ITPR3: variants seen among roughly 807,000 people sequenced by gnomAD.
ITPR3 encodes inositol 1,4,5-trisphosphate receptor type 3.
In ITPR3, 173 loss-of-function variants were observed where a neutral mutation model predicts 293.2. The observed-to-expected ratio is 0.59, with a 90% CI of 0.52 to 0.67. The LOEUF (loss-of-function observed/expected upper bound fraction) is 0.67, where lower values mean the gene tolerates loss of function less well. Ranked by LOEUF, ITPR3 falls within the 30% of genes least tolerant of loss-of-function variation. ITPR3 has a pLI of 0.00. For missense variants in ITPR3, 2,796 were observed against 3,592.1 expected (o/e 0.78, Z 5.66); for synonymous variants, 1,295 against 1,444.4 (o/e 0.90, Z 2.35).
At chr6:33,659,198 A>G (rs1447007537) in intron 6 of ITPR3, 79 bp downstream of exon 6, 22 of 1,349,396 alleles carry the variant, frequency 1.6e-5, no homozygotes, top group Non-Finnish European at 2.1e-5. Context: ...GCTCCCTGCC[A>G]TGGTCTCTGC....
In ITPR3 at chr6:33,692,918, G is replaced by C. The variant is rs3818524; in HGVS notation, c.7624+25G>C. The C allele has an allele frequency of 0.47, 749,439 of 1,610,842 alleles. 186,054 individuals carry two copies. Among genetic ancestry groups the C allele is most frequent in the East Asian group, 0.82 (36,826 of 44,808 alleles). ...GGTGAGGGCTGCTTCCTGCTCTGTG[G>C]AGGCCGCAGCGGGGCTGGAACGTCA... On this transcript the variant is annotated intron_variant, in intron 55 of 57. Transcript: ENST00000605930. The surrounding 1 kb of genome is among the most constrained non-coding windows in gnomAD (Gnocchi z 4.2).
intron 21 of ITPR3, 37 bp from the exon 22 acceptor site, chr6:33,671,984 CCTCTACAA>C: frequency 6.5e-7 from 1 of 1,546,078 alleles, no homozygotes; most frequent in South Asian, 1.2e-5. Flanking sequence ...CTGTGTACAG[CCTCTACAA>C]CCTCCTTGGC....
At chr6:33,680,519 T>TGAG in intron 32 of ITPR3, 36 bp from the exon 33 acceptor site, 1 of 1,610,884 alleles carries the variant, frequency 6.2e-7, no homozygotes, top group South Asian at 1.1e-5. Flanking sequence ...GGGCCCCATG[T>TGAG]GAGGAGCCCC....
rs1285691848 is a variant in ITPR3, at chr6:33,691,333, T to C, written c.7225+224T>C. On this transcript the variant is annotated intron_variant, in intron 52 of 57. Coordinates refer to ENST00000605930, the MANE Select transcript of ITPR3 (RefSeq NM_002224.4). This position sits in a 1 kb window ranked among gnomAD's most constrained non-coding sequence, Gnocchi z 4.9. ...GGGTCTCTGGCCCCTAAGGAACCCC[T>C]TGCTTGAGGGCTGGAGTCCCTTGAA... Among the ~76,000 whole-genome samples, 2 of 152,178 alleles carry C rather than the reference T, an allele frequency of 1.3e-5. No individual in the cohort carries two copies. The highest frequency in any genetic ancestry group is 2.9e-5 in the Non-Finnish European group (2 of 68,026).
In ITPR3 at chr6:33,664,744, T is replaced by G. The variant is rs2127273042; in HGVS notation, c.1149-126T>G. The G allele has an allele frequency of 1.3e-6, 1 of 767,504 alleles. No homozygotes were observed. The highest frequency in any genetic ancestry group is 2.1e-5 in the Admixed American group (1 of 48,154). 47.5% of individuals were successfully genotyped at this position (767,504 alleles called of 1,614,324 possible). The stretch of plus-strand genomic sequence containing the variant: ...TCTGGAGGGGCACCAGTGGCTCCTG[T>G]CCCACAGCTGTTGAGGGTGTGGAGT... On this transcript the variant is annotated intron_variant, in intron 11 of 57. Coordinates refer to ENST00000605930, the MANE Select transcript of ITPR3 (RefSeq NM_002224.4). This position sits in a 1 kb window ranked among gnomAD's most constrained non-coding sequence, Gnocchi z 4.4.
In ITPR3 at chr6:33,688,747, C is replaced by G. The variant is rs758713044; in HGVS notation, c.6660C>G (p.Ala2220=). 2 of 1,614,224 alleles carry G rather than the reference C, an allele frequency of 1.2e-6. No individual in the cohort carries two copies. The highest frequency in any genetic ancestry group is 1.7e-6 in the Non-Finnish European group (2 of 1,180,034). ...CCGTGTTTATCAACATCATCATTGC[C>G]TTCTTCTACCCTTACATGGAGGGCG... ...NLAVFINIII[A]FFYPYMEGAS... Residue 2220 remains alanine, a synonymous_variant, in exon 49 of 58, where the codon GCC becomes GCG. Transcript: ENST00000605930.
rs531503671 is a variant in ITPR3 at position 33,691,672 on chromosome 6, A to T, written c.7283A>T (p.Asp2428Val). 1.7e-5 allele frequency: 27 copies of T among 1,613,910 alleles called. No individual in the cohort carries two copies. The Middle Eastern group carries it at 8.3e-4, about 49-fold the overall frequency. ...AAAFVDTCSGDKMDCVSGLSV... is the reference protein window; with the variant it reads ...AAAFVDTCSGVKMDCVSGLSV... ...GCATTTGTGGACACCTGCAGTGGGG[A>T]CAAGATGGACTGTGTCTCAGGGCTC... Residue 2428 changes from aspartate (D) to valine (V), a missense_variant, in exon 53 of 58, where the codon GAC (aspartate) becomes GTC (valine). By Grantham distance (152) the Asp-to-Val change is radical (BLOSUM62 -3). Around this residue, in one of 8 missense-constraint regions of ITPR3, gnomAD observed 568 missense variants for 796.1 expected, o/e 0.71. Transcript: ENST00000605930. This position sits in a 1 kb window ranked among gnomAD's most constrained non-coding sequence, Gnocchi z 4.9.
At chr6:33,665,649 G>T (rs548022282) in intron 13 of ITPR3, among the ~76,000 whole-genome samples, 186 bp from the exon 14 acceptor site, 1 of 152,174 alleles carries the variant, frequency 6.6e-6, no homozygotes, top group South Asian at 2.1e-4. Context: ...GGTGGGGCTG[G>T]GCGTGTTTGG....
intron 28 of ITPR3, 142 bp downstream of exon 28, chr6:33,677,771 C>A (rs372803351): frequency 7.4e-6 from 7 of 941,776 alleles, no homozygotes; most frequent in East Asian, 5.3e-5. Flanking sequence ...TGCAGGCACA[C>A]CTTGACCCCT....
At position 33,673,573 on chromosome 6, in the gene ITPR3, C is replaced by CT; in HGVS notation, c.2929-15dup. 6.2e-7 allele frequency: 1 copy of CT among 1,613,746 alleles called. No individual in the cohort carries two copies. The highest frequency in any genetic ancestry group is 8.5e-7 in the Non-Finnish European group (1 of 1,179,732). The stretch of plus-strand genomic sequence containing the variant: ...AGTCCTCACCCCATCCTCACCTGAC[C>CT]TTTCCTCTCTTCTCCAGTTCATCCT... On this transcript the variant is annotated splice_polypyrimidine_tract_variant and intron_variant, in intron 22 of 57. Transcript: ENST00000605930.
chr6:33,695,647 C>T (rs752101585), intron 57 of ITPR3, 65 bp from the exon 58 acceptor site: 4 of 1,500,848 alleles, frequency 2.7e-6, no homozygotes, highest in East Asian at 2.3e-5. Context: ...AGCTCTTCCA[C>T]AGCACCCATG....
In ITPR3 at chr6:33,633,864, G is replaced by A. The variant is rs975537545; in HGVS notation, c.90-6620G>A. ...GGGCGGGGCCGGGCCGGGCCGGGGC[G>A]GGGCCAGGGAGGCCAGACCTACGCT... On this transcript the variant is annotated intron_variant, in intron 1 of 57. Transcript: ENST00000605930. The surrounding 1 kb of genome is among the most constrained non-coding windows in gnomAD (Gnocchi z 5.2). 7.4e-5 allele frequency among the ~76,000 whole-genome samples: 11 copies of A among 148,676 alleles called. No homozygotes were observed. Among genetic ancestry groups the A allele is most frequent in the African/African-American group, 4.9e-5 (2 of 41,022 alleles).
intron 7 of ITPR3, among the ~76,000 whole-genome samples, chr6:33,660,643 T>A (rs1053924927): frequency 1.3e-5 from 2 of 152,092 alleles, no homozygotes; most frequent in Admixed American, 6.6e-5. Flanking sequence ...AAATGAAGCA[T>A]CTTGGCCGGG....
rs116530022 is a variant in ITPR3 at position 33,667,328 on chromosome 6, C to G, written c.1713+38C>G. On this transcript the variant is annotated intron_variant, in intron 15 of 57. Transcript: ENST00000605930. The surrounding 1 kb of genome is among the most constrained non-coding windows in gnomAD (Gnocchi z 4.4). ...CCTGCTGGCCCACTCGCTGGCTGCACGTTCCTTCCTCAGCAAGCGATTTCC... is the reference window on the plus strand; with the variant it reads ...CCTGCTGGCCCACTCGCTGGCTGCAGGTTCCTTCCTCAGCAAGCGATTTCC... 2 of 1,595,666 alleles carry G rather than the reference C, an allele frequency of 1.3e-6. No individual in the cohort carries two copies. The highest frequency in any genetic ancestry group is 1.7e-6 in the Non-Finnish European group (2 of 1,170,656).
Position 33,693,671 on chromosome 6 carries a change from C to T in ITPR3, c.7751C>T (p.Thr2584Met). 6 of 1,614,172 alleles carry T rather than the reference C, an allele frequency of 3.7e-6. No homozygotes were observed. Among genetic ancestry groups the T allele is most frequent in the African/African-American group, 1.3e-5 (1 of 75,062 alleles). The change falls in exon 56 of 58, where the codon ACG becomes ATG. Residue 2584 changes from threonine (T) to methionine (M), a missense_variant. This residue lies in a region of ITPR3 where 568 missense variants were observed against 796.1 expected (regional missense o/e 0.71). Coordinates refer to ENST00000605930, the MANE Select transcript of ITPR3 (RefSeq NM_002224.4). Reference sequence around the variant, plus strand: ...CGCGTGAAGAACAAGACCGACTACACGGGCCCTGAGAGCTACGTGGCCCAG... The same window carrying T: ...CGCGTGAAGAACAAGACCGACTACATGGGCCCTGAGAGCTACGTGGCCCAG... ...LVRVKNKTDY[T>M]GPESYVAQMI...
intron 1 of ITPR3, among the ~76,000 whole-genome samples, chr6:33,639,399 A>G (rs1405123911): frequency 6.6e-6 from 1 of 151,076 alleles, no homozygotes; most frequent in Admixed American, 6.6e-5. Context: ...AAAAAAACAG[A>G]AAAGACCTTG....
At chr6:33,694,575 AAGG>A in intron 56 of ITPR3, 1 of 267,674 alleles carries the variant, frequency 3.7e-6, no homozygotes, top group South Asian at 3.7e-5. Context: ...GGAAGGAAGG[AAGG>A]AGATCCAGGG....
At position 33,686,440 on chromosome 6, in the gene ITPR3, T is replaced by C. The variant is rs1765232812; in HGVS notation, c.5900T>C (p.Ile1967Thr). The C allele has an allele frequency of 1.9e-6, 3 of 1,614,242 alleles. No individual in the cohort carries two copies. The highest frequency in any genetic ancestry group is 1.7e-6 in the Non-Finnish European group (2 of 1,180,014). ...TCIVTHESNGIDIITALILND... is the reference protein window; with the variant it reads ...TCIVTHESNGTDIITALILND... ...ATTGTGACTCACGAGTCCAATGGCA[T>C]AGACATCATCACCGCACTGATCCTC... The change falls in exon 43 of 58, where the codon ATA (isoleucine) becomes ACA (threonine). Residue 1967 changes from isoleucine to threonine, a missense_variant. Ile to Thr is a moderately conservative substitution (Grantham distance 89). Transcript: ENST00000605930.
chr6:33,645,531 G>A (rs1764046445), intron 2 of ITPR3, among the ~76,000 whole-genome samples: 2 of 152,168 alleles, frequency 1.3e-5, no homozygotes, highest in African/African-American at 2.4e-5. Context: ...AATTGCCTGC[G>A]ATGCTGCAGT....
Sources: gnomAD v4.1 joint callset for allele counts (sites outside exome capture counted in the v4.1 genomes callset) on GRCh38, gnomAD v4.1.1 for gene constraint, gnomAD v4.1.1 regional missense constraint, Gnocchi (gnomAD v3.1) non-coding constraint, MANE v1.5 for transcripts, NCBI Gene and HGNC (gene_info 2026-07-23, HGNC 2026-07-21) for gene names.